NTSR2: variants seen among roughly 807,000 people sequenced by gnomAD.
The protein encoded by NTSR2 is neurotensin receptor type 2.
Under a neutral mutation model 24.1 loss-of-function variants are expected in NTSR2, and 22 were observed. The observed-to-expected ratio is 0.91, with a 90% CI of 0.65 to 1.30. NTSR2 has a LOEUF of 1.30. Among genes scored for constraint, NTSR2 ranks in the 50% most tolerant of loss-of-function variants. The probability of loss-of-function intolerance (pLI) is 0.00; values close to 1 mark genes in which losing one functional copy is unlikely to be tolerated. For missense variants in NTSR2, 570 were observed against 570.4 expected (o/e 1.00, Z 0.01); for synonymous variants, 291 against 267.0 (o/e 1.09, Z -0.88).
rs1317381244 is a variant in NTSR2, at chr2:11,669,623, G to A, written c.507C>T (p.Pro169=). ...GCTTCTGCCCCATGATGACGGCCAT[G>A]GGCAGGGCGAGGCCGAGCGAGGCGG... The part of the protein sequence containing the change: ...SWAASLGLAL[P]MAVIMGQKHE... Residue 169 remains proline (P), a synonymous_variant, in exon 1 of 4, where the codon CCC becomes CCT. Transcript: ENST00000306928. 3 of 1,578,522 alleles carry A rather than the reference G, an allele frequency of 1.9e-6. No homozygotes were observed. The Admixed American group carries it at 5.2e-5, about 27-fold the overall frequency.
rs1660977268 is a variant in NTSR2 at position 11,658,383 on chromosome 2, G to A, written c.*96C>T. On this transcript the variant is annotated 3_prime_UTR_variant, in exon 4 of 4. Transcript: ENST00000306928. ...GGTTGATAGAAGTCGCCCTGGCTGC[G>A]AAGCTTGAATGATTAGTGATGAGGT... 8 of 1,497,906 alleles carry A rather than the reference G, an allele frequency of 5.3e-6. No homozygotes were observed. The highest frequency in any genetic ancestry group is 1.4e-5 in the African/African-American group (1 of 71,362). 92.8% of individuals were successfully genotyped at this position (1,497,906 alleles called of 1,614,324 possible).
chr2:11,665,083 T>TC (rs1483309451), intron 1 of NTSR2, among the ~76,000 whole-genome samples: 5 of 92,198 alleles, frequency 5.4e-5, no homozygotes, highest in African/African-American at 2.0e-4. Flanking sequence ...TTTTTTTTTT[T>TC]CCAAGCTTGT....
rs1162912167 is a variant in NTSR2 at position 11,669,805 on chromosome 2, G to A, written c.325C>T (p.Arg109Cys). The A allele has an allele frequency of 6.4e-7, 1 of 1,563,900 alleles. No homozygotes were observed. The highest frequency in any genetic ancestry group is 8.6e-7 in the Non-Finnish European group (1 of 1,161,944). The change falls in exon 1 of 4, where the codon CGC (arginine) becomes TGC (cysteine). Residue 109 changes from arginine to cysteine, a missense_variant. Transcript: ENST00000306928. ...YPWVFGDLGC[R>C]GYYFVHELCA... is the part of the protein sequence containing the mutation. ...AGCTCGTGCACGAAGTAGTAGCCGC[G>A]GCAGCCCAGGTCGCCGAAGACCCAG...
Position 11,669,829 on chromosome 2 carries a change from A to C in NTSR2, c.301T>G (p.Trp101Gly). 6.3e-7 allele frequency: 1 copy of C among 1,580,148 alleles called. No individual in the cohort carries two copies. The highest frequency in any genetic ancestry group is 8.5e-7 in the Non-Finnish European group (1 of 1,169,864). The change falls in exon 1 of 4, where the codon TGG (tryptophan) becomes GGG (glycine). Residue 101 changes from tryptophan to glycine, a missense_variant. By Grantham distance (184) the Trp-to-Gly change is radical. Transcript: ENST00000306928. The part of the protein sequence containing the change: ...LYSFVWFHYP[W>G]VFGDLGCRGY... ...CGGCAGCCCAGGTCGCCGAAGACCCAGGGGTAGTGGAACCACACGAAGCTG... is the reference window on the plus strand; with the variant it reads ...CGGCAGCCCAGGTCGCCGAAGACCCCGGGGTAGTGGAACCACACGAAGCTG...
At position 11,669,956 on chromosome 2, in the gene NTSR2, C is replaced by T; in HGVS notation, c.174G>A (p.Leu58=). The change falls in exon 1 of 4, where the codon CTG becomes CTA. Residue 58 remains leucine (L), a synonymous_variant. Transcript: ENST00000306928. The stretch of plus-strand genomic sequence containing the variant: ...GCCCCGCGCGCCCGGCCCGCGCCTT[C>T]AGCACCACGTGCGCGGACAGCGCAT... ...AGNALSAHVV[L]KARAGRAGRL... The T allele has an allele frequency of 1.3e-6, 2 of 1,512,438 alleles. No homozygotes were observed. The highest frequency in any genetic ancestry group is 1.8e-6 in the Non-Finnish European group (2 of 1,137,188). 93.7% of individuals were successfully genotyped at this position (1,512,438 alleles called of 1,614,324 possible).
At chr2:11,659,294 G>T (rs975155116) in intron 3 of NTSR2, among the ~76,000 whole-genome samples, 1 of 152,246 alleles carries the variant, frequency 6.6e-6, no homozygotes, top group African/African-American at 2.4e-5. Flanking sequence ...GGGGCCATCT[G>T]TCCAGCCACT....
At chr2:11,666,301 C>T (rs1433970542) in intron 1 of NTSR2, among the ~76,000 whole-genome samples, 2 of 152,152 alleles carry the variant, frequency 1.3e-5, no homozygotes, top group Non-Finnish European at 2.9e-5. Context: ...CTCTCACACC[C>T]CTTTGCTTAC....
At chr2:11,659,885 G>C (rs1372561124) in intron 3 of NTSR2, among the ~76,000 whole-genome samples, 158 bp downstream of exon 3, 1 of 152,222 alleles carries the variant, frequency 6.6e-6, no homozygotes, top group Non-Finnish European at 1.5e-5. Flanking sequence ...CCCTGGCTGG[G>C]AGATTTCAAG....
At chr2:11,663,027 G>GA (rs1661112597) in intron 1 of NTSR2, among the ~76,000 whole-genome samples, 1 of 152,188 alleles carries the variant, frequency 6.6e-6, no homozygotes, top group Admixed American at 6.5e-5. Flanking sequence ...GTGGAAGCTA[G>GA]AAAATCATGA....
Position 11,659,632 on chromosome 2 carries a change from G to A in NTSR2, c.989+411C>T, listed in dbSNP as rs1223609622. Among the ~76,000 whole-genome samples the A allele has an allele frequency of 2.0e-5, 3 of 152,248 alleles. No individual in the cohort carries two copies. The South Asian group carries it at 6.2e-4, about 31-fold the overall frequency. ...CTCCAACCATGTCATAAAAGGGGGT[G>A]CATGTCTTGGTCTCTGCCAAGGGGA... On this transcript the variant is annotated intron_variant, in intron 3 of 3. Coordinates refer to ENST00000306928, the MANE Select transcript of NTSR2 (RefSeq NM_012344.4).
chr2:11,660,120 G>C lies in NTSR2; in HGVS notation c.912C>G (p.Val304=). 1.2e-6 allele frequency: 2 copies of C among 1,613,404 alleles called. No homozygotes were observed. The highest frequency in any genetic ancestry group is 1.7e-6 in the Non-Finnish European group (2 of 1,179,846). ...RSVQVLRAIV[V]MYVICWLPYH... ...ACGGCAGCCAGCAGATGACATACAT[G>C]ACCACGATGGCTCCTGCAGAGCATT... The change falls in exon 3 of 4, where the codon GTC becomes GTG. Residue 304 remains valine (V), a synonymous_variant. Transcript: ENST00000306928.
intron 1 of NTSR2, among the ~76,000 whole-genome samples, chr2:11,662,709 A>G (rs568242001): frequency 5.1e-4 from 78 of 152,244 alleles, no homozygotes; most frequent in African/African-American, 1.8e-3. Context: ...TGAACCCAGG[A>G]GGCGGAGCTT....
At position 11,669,895 on chromosome 2, in the gene NTSR2, C is replaced by G; in HGVS notation, c.235G>C (p.Gly79Arg). 6.3e-7 allele frequency: 1 copy of G among 1,574,838 alleles called. No individual in the cohort carries two copies. The highest frequency in any genetic ancestry group is 1.8e-5 in the Admixed American group (1 of 55,968). Residue 79 changes from glycine (G) to arginine (R), a missense_variant, in exon 1 of 4, where the codon GGC becomes CGC. By Grantham distance (125) the Gly-to-Arg change is moderately radical. Transcript: ENST00000306928. ...RHHVLSLALA[G>R]LLLLLVGVPV... ...ACGCCGACCAGCAGCAGCAGCAGGC[C>G]CGCGAGCGCCAGGCTGAGCACGTGG...
At chr2:11,664,293 T>G (rs1661146875) in intron 1 of NTSR2, among the ~76,000 whole-genome samples, 1 of 152,128 alleles carries the variant, frequency 6.6e-6, no homozygotes, top group Non-Finnish European at 1.5e-5. Context: ...ATTTTTGTAT[T>G]TTGTGTAGAG....
Position 11,669,869 on chromosome 2 carries a change from C to A in NTSR2, c.261G>T (p.Val87=). The A allele has an allele frequency of 6.3e-7, 1 of 1,585,542 alleles. No individual in the cohort carries two copies. Residue 87 remains valine (V), a synonymous_variant, in exon 1 of 4, where the codon GTG becomes GTT. Transcript: ENST00000306928. Reference sequence around the variant, plus strand: ...ACACGAAGCTGTAGAGCTCCACCGGCACGCCGACCAGCAGCAGCAGCAGGC... The same window carrying A: ...ACACGAAGCTGTAGAGCTCCACCGGAACGCCGACCAGCAGCAGCAGCAGGC... The part of the protein sequence containing the change: ...LAGLLLLLVG[V]PVELYSFVWF...
Position 11,670,122 on chromosome 2 carries a change from G to T in NTSR2, c.8C>A (p.Thr3Asn). 1 of 1,374,042 alleles carries T rather than the reference G, an allele frequency of 7.3e-7. No individual in the cohort carries two copies. Among genetic ancestry groups the T allele is most frequent in the Non-Finnish European group, 9.3e-7 (1 of 1,070,790 alleles). 85.1% of individuals were successfully genotyped at this position (1,374,042 alleles called of 1,614,324 possible). Reference protein sequence around the residue: METSSPRPPRPSS... With the variant: MENSSPRPPRPSS... ...GGGCCGCGGGGGCCGCGGGCTGCTG[G>T]TTTCCATCCCGCTCCCGCGGCCGGC... The change falls in exon 1 of 4, where the codon ACC (threonine) becomes AAC (asparagine). Residue 3 changes from threonine to asparagine, a missense_variant. Coordinates refer to ENST00000306928, the MANE Select transcript of NTSR2 (RefSeq NM_012344.4).
chr2:11,661,652 TCTTTAA>T (rs1426293996), intron 2 of NTSR2, among the ~76,000 whole-genome samples: 2 of 152,204 alleles, frequency 1.3e-5, no homozygotes, highest in East Asian at 3.8e-4. Flanking sequence ...GCAGCCGCAG[TCTTTAA>T]CCATAACTGC....
intron 3 of NTSR2, among the ~76,000 whole-genome samples, chr2:11,659,713 T>C (rs909809201): frequency 2.0e-5 from 3 of 152,178 alleles, no homozygotes; most frequent in Admixed American, 2.0e-4. Context: ...CTCCTTGGAA[T>C]AGGAGAGGAA....
chr2:11,662,289 C>T, intron 1 of NTSR2, 49 bp from the exon 2 acceptor site: 1 of 1,439,012 alleles, frequency 6.9e-7, no homozygotes, highest in Non-Finnish European at 9.2e-7. Flanking sequence ...GGCCCTGCGG[C>T]CCTCGCCATC....
Sources: allele counts gnomAD v4.1 joint callset (sites outside exome capture counted in the v4.1 genomes callset), GRCh38; gene constraint gnomAD v4.1.1; transcripts MANE v1.5; gene names NCBI Gene and HGNC (gene_info 2026-07-23, HGNC 2026-07-21).